INPP5A: variants seen among roughly 807,000 people sequenced by gnomAD.
The protein encoded by INPP5A is 43 kDa inositol polyphosphate 5-phophatase.
INPP5A carries 14 observed loss-of-function variants against 65.2 expected under a neutral mutation model. The observed-to-expected ratio is 0.21, with a 90% CI of 0.14 to 0.34. INPP5A has a LOEUF of 0.34. Ranked by LOEUF, INPP5A falls within the 10% of genes least tolerant of loss-of-function variation. INPP5A has a pLI of 1.00. For missense variants in INPP5A, 431 were observed against 545.6 expected (o/e 0.79, Z 2.09); for synonymous variants, 207 against 208.3 (o/e 0.99, Z 0.05).
intron 9 of INPP5A, among the ~76,000 whole-genome samples, chr10:132,737,987 A>T (rs571996236): frequency 1.1e-4 from 16 of 152,296 alleles, no homozygotes; most frequent in African/African-American, 3.8e-4. Flanking sequence ...GATGCCAAGA[A>T]TCTTCTCATT....
chr10:132,696,485 G>A (rs1845346050), intron 5 of INPP5A, among the ~76,000 whole-genome samples: 1 of 152,112 alleles, frequency 6.6e-6, no homozygotes, highest in African/African-American at 2.4e-5. Context: ...GGTGTTATTT[G>A]GTGATAAAAA....
Position 132,644,296 on chromosome 10 carries a change from T to C in INPP5A, c.118-1572T>C, listed in dbSNP as rs1291802618. On this transcript the variant is annotated intron_variant, in intron 2 of 15. Transcript: ENST00000368594. This position sits in a 1 kb window ranked among gnomAD's most constrained non-coding sequence, Gnocchi z 6.5. ...GCTGCGAACTCAGGCACGGCCGCCC[T>C]TGTCTCCTGCTGCCGCTGCCACCTG... Among the ~76,000 whole-genome samples the C allele has an allele frequency of 2.6e-5, 4 of 152,326 alleles. No homozygotes were observed. Among genetic ancestry groups the C allele is most frequent in the East Asian group, 1.9e-4 (1 of 5,178 alleles).
intron 2 of INPP5A, among the ~76,000 whole-genome samples, chr10:132,628,597 G>A (rs71481939): frequency 6.6e-6 from 1 of 152,044 alleles, no homozygotes; most frequent in Non-Finnish European, 1.5e-5. Context: ...TGATGGATTC[G>A]AGTAAATAAA....
At chr10:132,772,302 A>G (rs111310418) in intron 12 of INPP5A, among the ~76,000 whole-genome samples, 1 of 17,730 alleles carries the variant, frequency 5.6e-5, no homozygotes, top group African/African-American at 2.7e-4. Flanking sequence ...CAGCCACCCC[A>G]CGAGGAGTGG....
At chr10:132,757,130 T>C (rs1846636908) in intron 11 of INPP5A, among the ~76,000 whole-genome samples, 1 of 152,258 alleles carries the variant, frequency 6.6e-6, no homozygotes, top group Non-Finnish European at 1.5e-5. Flanking sequence ...GTTAACTTAT[T>C]ACGAGAAAAT....
chr10:132,596,849 G>T (rs983441913), intron 1 of INPP5A, among the ~76,000 whole-genome samples: 11 of 137,278 alleles, frequency 8.0e-5, no homozygotes, highest in African/African-American at 2.7e-4. Flanking sequence ...GTGTGCATGC[G>T]TGTGTGTGCA....
intron 13 of INPP5A, 164 bp downstream of exon 13, chr10:132,777,946 T>C (rs1187645023): frequency 1.4e-6 from 2 of 1,457,248 alleles, no homozygotes; most frequent in Non-Finnish European, 1.8e-6. Flanking sequence ...ACCCCAGCAT[T>C]GGGTCACCTC....
intron 1 of INPP5A, among the ~76,000 whole-genome samples, chr10:132,568,392 T>A (rs2071297645): frequency 6.6e-6 from 1 of 152,050 alleles, no homozygotes; most frequent in Non-Finnish European, 1.5e-5. Flanking sequence ...ATTATTAAGC[T>A]GCCTTCAATT....
chr10:132,729,388 ATTTC>A (rs1460613443), intron 9 of INPP5A, among the ~76,000 whole-genome samples: 1 of 152,024 alleles, frequency 6.6e-6, no homozygotes, highest in Non-Finnish European at 1.5e-5. Context: ...GATCAGTCCT[ATTTC>A]TTAAAGAGTT....
rs3935055 is a variant in INPP5A, at chr10:132,547,414, G to A, written c.75+9243G>A. Among the ~76,000 whole-genome samples the A allele has an allele frequency of 0.081, 12,299 of 152,254 alleles. 576 individuals carry two copies. Among genetic ancestry groups the A allele is most frequent in the Middle Eastern group, 0.1 (30 of 294 alleles). On this transcript the variant is annotated intron_variant, in intron 1 of 15. Coordinates refer to ENST00000368594, the MANE Select transcript of INPP5A (RefSeq NM_005539.5). This position sits in a 1 kb window ranked among gnomAD's most constrained non-coding sequence, Gnocchi z 5.5. ...CCTGGCCTTTGCTTCTGTCCGGGGCGCGTGGCCCAGGCTGAGCAGTGCACT... is the reference window on the plus strand; with the variant it reads ...CCTGGCCTTTGCTTCTGTCCGGGGCACGTGGCCCAGGCTGAGCAGTGCACT...
intron 9 of INPP5A, 41 bp from the exon 10 acceptor site, chr10:132,749,476 G>T (rs761254542): frequency 6.4e-7 from 1 of 1,574,210 alleles, no homozygotes; most frequent in African/African-American, 1.3e-5. Context: ...ATGGGCAGGT[G>T]GGCCCCCCTG....
chr10:132,542,578 C>T (rs118134054), intron 1 of INPP5A, among the ~76,000 whole-genome samples: 2,254 of 152,318 alleles, frequency 0.015, 29 homozygotes, highest in South Asian at 0.037. Context: ...TGGCAGCCCT[C>T]GAGTGGGGTG....
At chr10:132,569,040 C>T (rs1380957226) in intron 1 of INPP5A, among the ~76,000 whole-genome samples, 2 of 151,470 alleles carry the variant, frequency 1.3e-5, no homozygotes, top group African/African-American at 4.9e-5. Flanking sequence ...CTCAGCCTCT[C>T]GAGTAGCTGG....
chr10:132,695,352 A>G (rs377001609), intron 5 of INPP5A, among the ~76,000 whole-genome samples: 4 of 152,352 alleles, frequency 2.6e-5, no homozygotes, highest in African/African-American at 9.6e-5. Context: ...AAGTTCCTCA[A>G]CCTGATAAAG....
intron 1 of INPP5A, among the ~76,000 whole-genome samples, chr10:132,581,310 A>G (rs1046763409): frequency 3.3e-5 from 5 of 152,186 alleles, no homozygotes; most frequent in Non-Finnish European, 7.3e-5. Context: ...GAAACTTACA[A>G]TGATAGCATG....
Position 132,659,150 on chromosome 10 carries a change from G to A in INPP5A, c.306+8645G>A, listed in dbSNP as rs528049214. ...CCACGCCAGTGTTCTCCAAACTTCC[G>A]GGGAGACCTGTCTGTGCTCCTGTAG... On this transcript the variant is annotated intron_variant, in intron 4 of 15. Coordinates refer to ENST00000368594, the MANE Select transcript of INPP5A (RefSeq NM_005539.5). The surrounding 1 kb of genome is among the most constrained non-coding windows in gnomAD (Gnocchi z 5.5). Among the ~76,000 whole-genome samples the A allele has an allele frequency of 1.3e-5, 2 of 152,310 alleles. No homozygotes were observed. Among genetic ancestry groups the A allele is most frequent in the East Asian group, 1.9e-4 (1 of 5,172 alleles).
intron 5 of INPP5A, among the ~76,000 whole-genome samples, chr10:132,691,580 CTAAGT>C (rs1845262746): frequency 6.6e-6 from 1 of 152,248 alleles, no homozygotes. Flanking sequence ...TGTTTTACTA[CTAAGT>C]TAAATCAGTC....
intron 2 of INPP5A, among the ~76,000 whole-genome samples, chr10:132,624,318 C>T (rs1240316909): frequency 1.3e-5 from 2 of 152,220 alleles, no homozygotes; most frequent in Admixed American, 1.3e-4. Context: ...CTTACAGAGG[C>T]CTGGGGTCTT....
chr10:132,680,690 G>A (rs1447924059), intron 4 of INPP5A, among the ~76,000 whole-genome samples: 4 of 152,258 alleles, frequency 2.6e-5, no homozygotes, highest in African/African-American at 4.8e-5. Context: ...CCGGGGCTGC[G>A]CGTGGCGCTT....
Sources: gnomAD v4.1 joint callset for allele counts (sites outside exome capture counted in the v4.1 genomes callset) on GRCh38, gnomAD v4.1.1 for gene constraint, Gnocchi (gnomAD v3.1) non-coding constraint, MANE v1.5 for transcripts, NCBI Gene and HGNC (gene_info 2026-07-23, HGNC 2026-07-21) for gene names.